The following SLC35D4 variants were observed in gnomAD, a reference collection of about 807,000 sequenced individuals.
SLC35D4 encodes UDP-N-acetylglucosamine transporter SLC35D4.
the SLC35D4 span, among the ~76,000 whole-genome samples, chr18:23,274,987 ATG>A: frequency 4.7e-4 from 71 of 149,656 alleles, no homozygotes; most frequent in African/African-American, 9.1e-4. Flanking sequence ...GTCTGAGTGC[ATG>A]TGTGTGAGCG....
At chr18:23,394,526 A>G in the SLC35D4 span, among the ~76,000 whole-genome samples, 1 of 152,176 alleles carries the variant, frequency 6.6e-6, no homozygotes, top group Non-Finnish European at 1.5e-5. Context: ...CTTTGTTGAT[A>G]GTATCCTTTA....
the SLC35D4 span, among the ~76,000 whole-genome samples, chr18:23,272,777 G>A: frequency 7.2e-5 from 11 of 152,258 alleles, no homozygotes; most frequent in South Asian, 2.1e-4. Context: ...CCCAACACAC[G>A]GTTTGATTAT....
the SLC35D4 span, among the ~76,000 whole-genome samples, chr18:23,268,212 A>G: frequency 1.3e-5 from 2 of 152,206 alleles, no homozygotes; most frequent in African/African-American, 4.8e-5. Flanking sequence ...AGAAATGGGT[A>G]TTTATTATAC....
the SLC35D4 span, among the ~76,000 whole-genome samples, chr18:23,326,948 A>G: frequency 1.3e-5 from 2 of 152,220 alleles, no homozygotes; most frequent in African/African-American, 2.4e-5. Flanking sequence ...CTGAATGACT[A>G]CTGGGTAAAT....
the SLC35D4 span, among the ~76,000 whole-genome samples, chr18:23,327,204 A>G: frequency 6.6e-6 from 1 of 152,220 alleles, no homozygotes; most frequent in Non-Finnish European, 1.5e-5. Context: ...AGATCAGAGC[A>G]GAACTGAAGG....
At chr18:23,411,904 T>C in the SLC35D4 span, among the ~76,000 whole-genome samples, 1 of 152,244 alleles carries the variant, frequency 6.6e-6, no homozygotes, top group Non-Finnish European at 1.5e-5. Context: ...ATCTACTCCC[T>C]GAAAACAATT....
chr18:23,368,578 C>T, the SLC35D4 span: 2 of 605,330 alleles, frequency 3.3e-6, no homozygotes, highest in Non-Finnish European at 5.7e-6. Context: ...GTCTCCTCAA[C>T]TCTGTCATCT....
the SLC35D4 span, among the ~76,000 whole-genome samples, chr18:23,434,971 A>T: frequency 6.6e-6 from 1 of 152,050 alleles, no homozygotes; most frequent in East Asian, 1.9e-4. Context: ...CAGCCTGGCC[A>T]ACATGACGAA....
the SLC35D4 span, among the ~76,000 whole-genome samples, chr18:23,283,881 C>A: frequency 6.6e-6 from 1 of 151,788 alleles, no homozygotes; most frequent in African/African-American, 2.4e-5. Flanking sequence ...GGCTGCTCAA[C>A]TGAGTATACT....
the SLC35D4 span, among the ~76,000 whole-genome samples, chr18:23,397,374 A>T: frequency 6.6e-6 from 1 of 152,234 alleles, no homozygotes; most frequent in Non-Finnish European, 1.5e-5. Flanking sequence ...GTCTCTTTCC[A>T]CTAAAGTTGT....
At chr18:23,435,190 A>C in the SLC35D4 span, among the ~76,000 whole-genome samples, 1 of 151,974 alleles carries the variant, frequency 6.6e-6, no homozygotes, top group Non-Finnish European at 1.5e-5. Flanking sequence ...AAAAGAAAGA[A>C]AGAAAATGTA....
At chr18:23,300,841 C>T in the SLC35D4 span, among the ~76,000 whole-genome samples, 1 of 152,230 alleles carries the variant, frequency 6.6e-6, no homozygotes, top group Non-Finnish European at 1.5e-5. Flanking sequence ...AGCTTCTCTT[C>T]CAGAGGTTTA....
the SLC35D4 span, among the ~76,000 whole-genome samples, chr18:23,248,541 A>ATTTTTTTTTTT: frequency 1.0e-5 from 1 of 99,854 alleles, no homozygotes; most frequent in Non-Finnish European, 2.1e-5. Context: ...TTTTTTTTAA[A>ATTTTTTTTTTT]AAAAGGCTGG....
chr18:23,414,747 G>A, the SLC35D4 span, among the ~76,000 whole-genome samples: 1 of 151,956 alleles, frequency 6.6e-6, no homozygotes, highest in Non-Finnish European at 1.5e-5. Context: ...AGAAACAGAT[G>A]GGAGGATCAC....
chr18:23,389,995 T>C, the SLC35D4 span, among the ~76,000 whole-genome samples: 1 of 152,242 alleles, frequency 6.6e-6, no homozygotes, highest in African/African-American at 2.4e-5. Context: ...CAGCAGGACT[T>C]ATTTTTGTTA....
At chr18:23,393,250 A>T in the SLC35D4 span, among the ~76,000 whole-genome samples, 1 of 151,886 alleles carries the variant, frequency 6.6e-6, no homozygotes, top group South Asian at 2.1e-4. Context: ...TAAAATATAC[A>T]TCACAAAAAG....
At chr18:23,300,747 T>C in the SLC35D4 span, among the ~76,000 whole-genome samples, 1 of 152,222 alleles carries the variant, frequency 6.6e-6, no homozygotes, top group African/African-American at 2.4e-5. Context: ...GTAATCCCCA[T>C]CATTCCTGAA....
the SLC35D4 span, chr18:23,298,119 T>A: frequency 6.2e-7 from 1 of 1,609,504 alleles, no homozygotes; most frequent in Non-Finnish European, 8.5e-7. Flanking sequence ...ACCCCTGAGC[T>A]GCCTGGCGCC....
the SLC35D4 span, among the ~76,000 whole-genome samples, chr18:23,370,974 A>C: frequency 0.025 from 3,742 of 152,268 alleles, 57 homozygotes; most frequent in Middle Eastern, 0.061. Flanking sequence ...TAACCTTCAC[A>C]CCTTGGATTT....
Sources: gnomAD v4.1 joint callset for allele counts (sites outside exome capture counted in the v4.1 genomes callset) on GRCh38, gnomAD v4.1.1 for gene constraint, MANE v1.5 for transcripts, NCBI Gene and HGNC (gene_info 2026-07-23, HGNC 2026-07-21) for gene names.